The following ANXA8L1 variants were observed in gnomAD, a reference collection of about 807,000 sequenced individuals.
ANXA8L1 encodes annexin A8-like protein 1.
ANXA8L1 carries 10 observed loss-of-function variants against 22.5 expected under a neutral mutation model. The ratio of observed to expected loss-of-function variants is 0.44; its 90% CI spans 0.27 to 0.75. The LOEUF (loss-of-function observed/expected upper bound fraction) is 0.75, where lower values mean the gene tolerates loss of function less well. ANXA8L1 is among the 30% of genes least tolerant of loss of function. The pLI is 0.15. For missense variants in ANXA8L1, 88 were observed against 219.6 expected (o/e 0.40, Z 3.79); for synonymous variants, 36 against 86.0 (o/e 0.42, Z 3.22).
At chr10:46,390,185 A>T (rs551075658) in intron 11 of ANXA8L1, among the ~76,000 whole-genome samples, 1 of 150,870 alleles carries the variant, frequency 6.6e-6, no homozygotes, top group African/African-American at 2.5e-5. Flanking sequence ...TCCCATCAGG[A>T]CCTACCAGTA....
At chr10:46,383,233 A>T (rs1839997756) in intron 4 of ANXA8L1, among the ~76,000 whole-genome samples, 1 of 148,344 alleles carries the variant, frequency 6.7e-6, no homozygotes, top group Non-Finnish European at 1.5e-5. Context: ...GAGACCACCC[A>T]GCTAAGGAGG....
intron 1 of ANXA8L1, among the ~76,000 whole-genome samples, chr10:46,378,037 C>T (rs1485328050): frequency 5.1e-5 from 6 of 118,748 alleles, no homozygotes; most frequent in Non-Finnish European, 1.1e-4. Flanking sequence ...TCCCAGAACA[C>T]TTATTTTCTA....
intron 11 of ANXA8L1, among the ~76,000 whole-genome samples, chr10:46,389,972 AAGT>A (rs1475645446): frequency 6.6e-6 from 1 of 151,508 alleles, no homozygotes; most frequent in Non-Finnish European, 1.5e-5. Flanking sequence ...AAATGGTGAA[AAGT>A]AGACAATAAC....
chr10:46,385,722 G>A lies in ANXA8L1; in HGVS notation c.657G>A (p.Glu219=). Residue 219 remains glutamate (E), a synonymous_variant, in exon 9 of 12, where the codon GAG becomes GAA. Transcript: ENST00000619162. ...SATHLLRVFE[E]YEKIANKSIE... is the part of the protein sequence containing the mutation. ...GAGCCCTCTCCACAGTGTTTGAAGA[G>A]TATGAGAAAATTGCCAACAAGAGCA... The A allele has an allele frequency of 2.9e-6, 1 of 342,018 alleles. No individual in the cohort carries two copies. The highest frequency in any genetic ancestry group is 2.4e-5 in the South Asian group (1 of 41,710). The allele number at this position is 342,018 out of a possible 1,614,324, so 21.2% of individuals were successfully genotyped here.
In ANXA8L1 at chr10:46,391,698, G is replaced by GTGCCGTT. The variant is rs1840087978; in HGVS notation, c.*768_*769insTGCCGTT. 8.7e-6 allele frequency: 1 copy of GTGCCGTT among 115,414 alleles called. No individual in the cohort carries two copies. Among genetic ancestry groups the GTGCCGTT allele is most frequent in the African/African-American group, 4.3e-5 (1 of 23,300 alleles). The allele number at this position is 115,414 out of a possible 1,614,324, so 7.1% of individuals were successfully genotyped here. A position where few individuals can be genotyped will look rare whatever the true frequency, so the allele number is the denominator to read the frequency against. On this transcript the variant is annotated 3_prime_UTR_variant, in exon 12 of 12. Transcript: ENST00000619162. ...CCTCAGCACCACTCTTGTCCCCACTGAACGGCAACTGAGACTGGGTACCTG... is the reference window on the plus strand; with the variant it reads ...CCTCAGCACCACTCTTGTCCCCACTGTGCCGTTAACGGCAACTGAGACTGGGTACCTG...
Position 46,376,054 on chromosome 10 carries a change from G to A in ANXA8L1, c.21+182G>A, listed in dbSNP as rs2133004156. ...GAAGAAACAGTCCCAGGCCTAGAGT[G>A]CCCACGGCAGGGATGGGACCTGGGC... On this transcript the variant is annotated intron_variant, in intron 1 of 11. Coordinates refer to ENST00000619162, the MANE Select transcript of ANXA8L1 (RefSeq NM_001098845.3). 6.1e-6 allele frequency: 6 copies of A among 987,202 alleles called. No individual in the cohort carries two copies. In the East Asian group the frequency reaches 1.0e-4, roughly 17 times the overall value. The allele number at this position is 987,202 out of a possible 1,614,324, so 61.2% of individuals were successfully genotyped here. A position where few individuals can be genotyped will look rare whatever the true frequency, so the allele number is the denominator to read the frequency against.
chr10:46,381,236 G>A lies in ANXA8L1; in HGVS notation c.203G>A (p.Gly68Asp). The A allele has an allele frequency of 1.7e-6, 1 of 577,234 alleles. No individual in the cohort carries two copies. Among genetic ancestry groups the A allele is most frequent in the South Asian group, 1.8e-5 (1 of 56,984 alleles). 35.8% of individuals were successfully genotyped at this position (577,234 alleles called of 1,614,324 possible). A position where few individuals can be genotyped will look rare whatever the true frequency, so the allele number is the denominator to read the frequency against. ...QIAKSFKAQFGKDLTETLKSE... is the reference protein window; with the variant it reads ...QIAKSFKAQFDKDLTETLKSE... ...GCCAAGTCCTTCAAGGCTCAGTTCGGCAAGGCAAGGGGAAGGCTGGTGGGG... is the reference window on the plus strand; with the variant it reads ...GCCAAGTCCTTCAAGGCTCAGTTCGACAAGGCAAGGGGAAGGCTGGTGGGG... Residue 68 changes from glycine to aspartate, a missense_variant, in exon 3 of 12, where the codon GGC (glycine) becomes GAC (aspartate). Gly to Asp is a moderately conservative substitution (Grantham distance 94). Coordinates refer to ENST00000619162, the MANE Select transcript of ANXA8L1 (RefSeq NM_001098845.3).
intron 11 of ANXA8L1, among the ~76,000 whole-genome samples, chr10:46,390,275 C>A (rs1239121894): frequency 1.3e-5 from 2 of 149,676 alleles, no homozygotes; most frequent in African/African-American, 5.0e-5. Context: ...CCGATGTGAG[C>A]CAGATGCAGG....
intron 1 of ANXA8L1, among the ~76,000 whole-genome samples, chr10:46,377,805 A>C (rs1839947008): frequency 8.2e-6 from 1 of 122,494 alleles, no homozygotes; most frequent in South Asian, 2.4e-4. Flanking sequence ...GCCACGTAGC[A>C]GGGGAAGGCC....
Position 46,381,382 on chromosome 10 carries a change from A to C in ANXA8L1, c.207+142A>C. 4.0e-6 allele frequency: 4 copies of C among 1,003,312 alleles called. 1 individual carries two copies. The allele number at this position is 1,003,312 out of a possible 1,614,324, so 62.2% of individuals were successfully genotyped here. A position where few individuals can be genotyped will look rare whatever the true frequency, so the allele number is the denominator to read the frequency against. ...GCACATGGAACCTGTTTGCATGAAAACAATTGTTCTTTATTGAAATTCAAA... is the reference window on the plus strand; with the variant it reads ...GCACATGGAACCTGTTTGCATGAAACCAATTGTTCTTTATTGAAATTCAAA... On this transcript the variant is annotated intron_variant, in intron 3 of 11. Transcript: ENST00000619162.
At chr10:46,390,042 T>G (rs1840060724) in intron 11 of ANXA8L1, among the ~76,000 whole-genome samples, 1 of 150,514 alleles carries the variant, frequency 6.6e-6, no homozygotes. Flanking sequence ...AGTCTACCCC[T>G]TACTCACCAT....
chr10:46,390,163 C>T (rs2133018883), intron 11 of ANXA8L1, among the ~76,000 whole-genome samples: 3 of 150,758 alleles, frequency 2.0e-5, no homozygotes, highest in African/African-American at 4.9e-5. Flanking sequence ...ATGCAGACCC[C>T]GGACTAGCCA....
At chr10:46,389,796 C>T (rs1280156941) in intron 11 of ANXA8L1, among the ~76,000 whole-genome samples, 24 of 151,638 alleles carry the variant, frequency 1.6e-4, no homozygotes, top group Admixed American at 8.5e-4. Context: ...GCAGGAGGAT[C>T]GCTTGAGCCC....
chr10:46,390,209 G>A, intron 11 of ANXA8L1, among the ~76,000 whole-genome samples: 1 of 150,860 alleles, frequency 6.6e-6, no homozygotes, highest in East Asian at 1.9e-4. Context: ...AAGAAACAGG[G>A]CTCCTCAGTC....
Position 46,390,422 on chromosome 10 carries a change from G to A in ANXA8L1, c.925-449G>A, listed in dbSNP as rs1328049969. ...TGCCTCGGCCACACCGTCAGGGTGC[G>A]ATGGTCCAGGCTCCCTCCACCCCCG... On this transcript the variant is annotated intron_variant, in intron 11 of 11. Coordinates refer to ENST00000619162, the MANE Select transcript of ANXA8L1 (RefSeq NM_001098845.3). Among the ~76,000 whole-genome samples the A allele has an allele frequency of 1.7e-3, 204 of 117,116 alleles. 10 individuals carry two copies. The highest frequency in any genetic ancestry group is 2.9e-3 in the Non-Finnish European group (160 of 55,954). The allele number at this position is 117,116 out of a possible 152,430, so 76.8% of individuals were successfully genotyped here. A position where few individuals can be genotyped will look rare whatever the true frequency, so the allele number is the denominator to read the frequency against.
chr10:46,389,610 C>T (rs1840053858), intron 11 of ANXA8L1, among the ~76,000 whole-genome samples: 1 of 151,128 alleles, frequency 6.6e-6, no homozygotes, highest in Admixed American at 6.6e-5. Flanking sequence ...AAAACTCCTG[C>T]ATTGAAATTA....
chr10:46,378,209 C>T (rs1226007297), intron 1 of ANXA8L1, among the ~76,000 whole-genome samples: 1 of 125,122 alleles, frequency 8.0e-6, no homozygotes. Context: ...CGCTGGTGCA[C>T]CACAGCCCCC....
Position 46,380,906 on chromosome 10 carries a change from A to G in ANXA8L1, c.113-240A>G. The G allele has an allele frequency of 2.7e-5, 4 of 149,234 alleles. 1 individual carries two copies. The highest frequency in any genetic ancestry group is 3.9e-4 in the Admixed American group (2 of 5,068). 9.2% of individuals were successfully genotyped at this position (149,234 alleles called of 1,614,324 possible). On this transcript the variant is annotated intron_variant, in intron 2 of 11. Coordinates refer to ENST00000619162, the MANE Select transcript of ANXA8L1 (RefSeq NM_001098845.3). ...CAGAGCCACCCAGACCTCAGATTCC[A>G]TCTTGTGAGGCTGGCCTTGGGCACG... is the stretch of plus-strand genomic sequence containing the variant.
chr10:46,389,715 G>A (rs1554975244), intron 11 of ANXA8L1, among the ~76,000 whole-genome samples: 1 of 151,268 alleles, frequency 6.6e-6, no homozygotes, highest in South Asian at 2.1e-4. Context: ...TAGAAAAATT[G>A]TCTTCAAAAT....
Sources: gnomAD v4.1 joint callset for allele counts (sites outside exome capture counted in the v4.1 genomes callset) on GRCh38, gnomAD v4.1.1 for gene constraint, MANE v1.5 for transcripts, NCBI Gene and HGNC (gene_info 2026-07-23, HGNC 2026-07-21) for gene names.